The following ZNF804A variants were observed in gnomAD, a reference collection of about 807,000 sequenced individuals.
The protein encoded by ZNF804A is zinc finger protein 804A.
A neutral mutation model predicts 16.5 loss-of-function variants in ZNF804A; 2 were observed. The observed-to-expected ratio is 0.12, with a 90% CI of 0.05 to 0.38. The LOEUF (loss-of-function observed/expected upper bound fraction) is 0.38, where lower values mean the gene tolerates loss of function less well. ZNF804A is among the 10% of genes least tolerant of loss of function. The pLI is 0.99. For missense variants in ZNF804A, 1,473 were observed against 1,390.7 expected (o/e 1.06, Z -0.94); for synonymous variants, 534 against 489.6 (o/e 1.09, Z -1.20).
intron 1 of ZNF804A, among the ~76,000 whole-genome samples, chr2:184,710,416 AT>A (rs1217001701): frequency 2.6e-5 from 4 of 151,474 alleles, no homozygotes; most frequent in Non-Finnish European, 5.9e-5. Context: ...ATATATATAT[AT>A]TTATTTTTTG....
At chr2:184,935,048 T>A (rs887566868) in intron 3 of ZNF804A, among the ~76,000 whole-genome samples, 8 of 152,104 alleles carry the variant, frequency 5.3e-5, no homozygotes, top group African/African-American at 1.9e-4. Context: ...AGGTTTAGGG[T>A]TTCTTATATT....
intron 2 of ZNF804A, among the ~76,000 whole-genome samples, chr2:184,894,713 T>G (rs1015609561): frequency 3.9e-5 from 6 of 152,144 alleles, no homozygotes; most frequent in Non-Finnish European, 8.8e-5. Flanking sequence ...TTTGAGACAG[T>G]CTTGCTCTGT....
At chr2:184,926,725 C>T (rs986601082) in intron 2 of ZNF804A, among the ~76,000 whole-genome samples, 4 of 152,050 alleles carry the variant, frequency 2.6e-5, no homozygotes, top group African/African-American at 7.2e-5. Flanking sequence ...CCTCTGACTT[C>T]GTGTTTTTAA....
chr2:184,697,714 AAC>A (rs1176484645), intron 1 of ZNF804A, among the ~76,000 whole-genome samples: 3 of 152,054 alleles, frequency 2.0e-5, no homozygotes, highest in East Asian at 1.9e-4. Context: ...AAATGACTCA[AAC>A]ACACACACAC....
At chr2:184,719,066 A>G (rs1693260127) in intron 1 of ZNF804A, among the ~76,000 whole-genome samples, 1 of 152,158 alleles carries the variant, frequency 6.6e-6, no homozygotes, top group Admixed American at 6.5e-5. Flanking sequence ...ACATCTTCTG[A>G]AAACTAGCTG....
chr2:184,752,557 A>G (rs189332874), intron 1 of ZNF804A, among the ~76,000 whole-genome samples: 125 of 151,664 alleles, frequency 8.2e-4, no homozygotes, highest in African/African-American at 3.0e-3. Flanking sequence ...TGAGTAAACT[A>G]GGAGCCCAAT....
At chr2:184,704,784 A>G (rs903627232) in intron 1 of ZNF804A, among the ~76,000 whole-genome samples, 1 of 152,134 alleles carries the variant, frequency 6.6e-6, no homozygotes, top group African/African-American at 2.4e-5. Context: ...AAAGTGAGGG[A>G]CAATGCATTG....
chr2:184,924,602 G>A (rs985990800), intron 2 of ZNF804A, among the ~76,000 whole-genome samples: 2 of 149,536 alleles, frequency 1.3e-5, no homozygotes, highest in Admixed American at 6.6e-5. Flanking sequence ...ACTAATTTTG[G>A]GTATGGCTTG....
At chr2:184,767,849 A>G (rs745883000) in intron 1 of ZNF804A, among the ~76,000 whole-genome samples, 3 of 152,174 alleles carry the variant, frequency 2.0e-5, no homozygotes, top group Non-Finnish European at 2.9e-5. Flanking sequence ...AATTGTTGCA[A>G]ATAAATAAGG....
At position 184,715,662 on chromosome 2, in the gene ZNF804A, A is replaced by G. The variant is rs1001114130; in HGVS notation, c.111+116592A>G. 3.3e-5 allele frequency among the ~76,000 whole-genome samples: 5 copies of G among 152,064 alleles called. No individual in the cohort carries two copies. In the East Asian group the frequency reaches 7.7e-4, roughly 23 times the overall value. ...GCCATCAACTCGCCCCAACCTCCCA[A>G]AGTGCTGATATTATAGGCATGAGCT... On this transcript the variant is annotated intron_variant, in intron 1 of 3. Transcript: ENST00000302277.
At chr2:184,831,977 A>G (rs1332570344) in intron 1 of ZNF804A, among the ~76,000 whole-genome samples, 3 of 152,156 alleles carry the variant, frequency 2.0e-5, no homozygotes, top group South Asian at 2.1e-4. Context: ...CTCTCTTACC[A>G]TATATAGAAA....
At chr2:184,658,002 T>TG (rs1279443688) in intron 1 of ZNF804A, among the ~76,000 whole-genome samples, 1 of 152,256 alleles carries the variant, frequency 6.6e-6, no homozygotes, top group Non-Finnish European at 1.5e-5. Flanking sequence ...TCATTAGTGT[T>TG]GGATAAATAA....
At chr2:184,658,005 A>G (rs1343554756) in intron 1 of ZNF804A, among the ~76,000 whole-genome samples, 1 of 152,226 alleles carries the variant, frequency 6.6e-6, no homozygotes, top group Non-Finnish European at 1.5e-5. Context: ...TTAGTGTTGG[A>G]TAAATAACCT....
chr2:184,752,625 A>G (rs1370673280), intron 1 of ZNF804A, among the ~76,000 whole-genome samples: 1 of 151,652 alleles, frequency 6.6e-6, no homozygotes, highest in East Asian at 1.9e-4. Context: ...CTGAATTTAA[A>G]ATAAAACGTA....
At chr2:184,810,012 T>C (rs1044618585) in intron 1 of ZNF804A, among the ~76,000 whole-genome samples, 6 of 152,202 alleles carry the variant, frequency 3.9e-5, no homozygotes, top group African/African-American at 1.4e-4. Context: ...GAGCCATTTG[T>C]TAAGTATAAC....
At chr2:184,824,861 A>G (rs1013113094) in intron 1 of ZNF804A, among the ~76,000 whole-genome samples, 1 of 148,632 alleles carries the variant, frequency 6.7e-6, no homozygotes, top group African/African-American at 2.6e-5. Flanking sequence ...CACCTGTAAG[A>G]GGCTTTTTTT....
chr2:184,772,384 T>C (rs1365372834), intron 1 of ZNF804A, among the ~76,000 whole-genome samples: 5 of 152,014 alleles, frequency 3.3e-5, no homozygotes, highest in Non-Finnish European at 5.9e-5. Flanking sequence ...ATAAATAACA[T>C]TGTGAAACGT....
chr2:184,919,420 A>T (rs1358196570), intron 2 of ZNF804A, among the ~76,000 whole-genome samples: 1 of 152,160 alleles, frequency 6.6e-6, no homozygotes, highest in African/African-American at 2.4e-5. Context: ...GAGCCCATGT[A>T]TGACCCCTGT....
intron 3 of ZNF804A, among the ~76,000 whole-genome samples, chr2:184,934,916 T>C (rs555966642): frequency 1.1e-4 from 16 of 152,118 alleles, no homozygotes; most frequent in Non-Finnish European, 1.9e-4. Flanking sequence ...AAGCAATACA[T>C]TGTGTTAGTG....
Sources: gnomAD v4.1 joint callset for allele counts (sites outside exome capture counted in the v4.1 genomes callset) on GRCh38, gnomAD v4.1.1 for gene constraint, MANE v1.5 for transcripts, NCBI Gene and HGNC (gene_info 2026-07-23, HGNC 2026-07-21) for gene names.